The following ALS2CL variants were observed in gnomAD, a reference collection of about 807,000 sequenced individuals.
The protein encoded by ALS2CL is ALS2 C-terminal-like protein.
ALS2CL carries 112 observed loss-of-function variants against 127.9 expected under a neutral mutation model. The ratio of observed to expected loss-of-function variants is 0.88; its 90% CI spans 0.75 to 1.02. The LOEUF (loss-of-function observed/expected upper bound fraction) is 1.02. ALS2CL is among the 50% of genes least tolerant of loss of function. ALS2CL has a pLI of 0.00. For synonymous variants in ALS2CL, 519 were observed against 527.6 expected, an observed-to-expected ratio of 0.98 and a Z score of 0.22; for missense variants, 1,174 against 1,236.7, an observed-to-expected ratio of 0.95 and a Z score of 0.76.
chr3:46,688,643 G>A (rs1357119610), intron 2 of ALS2CL, among the ~76,000 whole-genome samples: 4 of 152,206 alleles, frequency 2.6e-5, no homozygotes, highest in African/African-American at 7.2e-5. Flanking sequence ...GATCCAGAAT[G>A]TGAAGTCCAC....
At chr3:46,687,994 G>T in intron 3 of ALS2CL, 104 bp downstream of exon 3, 1 of 1,390,044 alleles carries the variant, frequency 7.2e-7, no homozygotes. Context: ...CCAAACCTTT[G>T]CTTGAACCCT....
At chr3:46,674,485 C>T in intron 21 of ALS2CL, 81 bp downstream of exon 21, 4 of 1,534,056 alleles carry the variant, frequency 2.6e-6, no homozygotes, top group Non-Finnish European at 3.5e-6. Context: ...CCTATCAACC[C>T]CAGCCCCACC....
At chr3:46,687,585 C>T in intron 4 of ALS2CL, 34 bp downstream of exon 4, 2 of 1,609,016 alleles carry the variant, frequency 1.2e-6, no homozygotes, top group Non-Finnish European at 1.7e-6. Flanking sequence ...CACTCCCACC[C>T]TGTCAGGGGC....
chr3:46,681,697 T>C lies in ALS2CL; in HGVS notation c.1176-99A>G, dbSNP rs1699365687. 1 of 1,243,686 alleles carries C rather than the reference T, an allele frequency of 8.0e-7. No homozygotes were observed. The highest frequency in any genetic ancestry group is 2.4e-5 in the East Asian group (1 of 42,376). The allele number at this position is 1,243,686 out of a possible 1,614,324, so 77.0% of individuals were successfully genotyped here. On this transcript the variant is annotated intron_variant, in intron 11 of 25. Transcript: ENST00000318962. The surrounding 1 kb of genome is among the most constrained non-coding windows in gnomAD (Gnocchi z 4.9). ...GGAGTATCCCTGCCCCCAAGGAGCC[T>C]TCCAGACAACAGGGAGACTCTCAGA...
At position 46,670,815 on chromosome 3, in the gene ALS2CL, C is replaced by T; in HGVS notation, c.*169G>A. ...ACATCCAGGGCCACACCCGTCACCC[C>T]TCACCCTCATCCCAGTCAGGGCAGC... On this transcript the variant is annotated 3_prime_UTR_variant, in exon 26 of 26. Transcript: ENST00000318962. This position sits in a 1 kb window ranked among gnomAD's most constrained non-coding sequence, Gnocchi z 5.5. 1 of 679,738 alleles carries T rather than the reference C, an allele frequency of 1.5e-6. No individual in the cohort carries two copies. Among genetic ancestry groups the T allele is most frequent in the Admixed American group, 2.5e-5 (1 of 40,710 alleles). 42.1% of individuals were successfully genotyped at this position (679,738 alleles called of 1,614,324 possible).
intron 22 of ALS2CL, among the ~76,000 whole-genome samples, chr3:46,672,561 A>G (rs113633206): frequency 0.014 from 2,150 of 152,238 alleles, 52 homozygotes; most frequent in African/African-American, 0.049. Context: ...CACTCCCTGC[A>G]TTTCTGACTC....
Position 46,673,738 on chromosome 3 carries a change from C to T in ALS2CL, c.2430-357G>A, listed in dbSNP as rs575579762. On this transcript the variant is annotated intron_variant, in intron 21 of 25. Coordinates refer to ENST00000318962, the MANE Select transcript of ALS2CL (RefSeq NM_147129.5). ...AGAGGTGGAGGCTGGTGTGGGGAAGCGACACTGAGGTGGTGAGGGAGGCGG... is the reference window on the plus strand; with the variant it reads ...AGAGGTGGAGGCTGGTGTGGGGAAGTGACACTGAGGTGGTGAGGGAGGCGG... 7.9e-5 allele frequency among the ~76,000 whole-genome samples: 12 copies of T among 152,090 alleles called. No individual in the cohort carries two copies. The East Asian group carries it at 1.9e-3, about 25-fold the overall frequency.
Position 46,677,267 on chromosome 3 carries a change from T to C in ALS2CL, c.1758-245A>G, listed in dbSNP as rs1022909491. On this transcript the variant is annotated intron_variant, in intron 16 of 25. Coordinates refer to ENST00000318962, the MANE Select transcript of ALS2CL (RefSeq NM_147129.5). ...AGACAGACAGAAGCATATGGAATCC[T>C]GGAAAGACGGAGACAGAAAGGTGGG... 7 of 1,348,980 alleles carry C rather than the reference T, an allele frequency of 5.2e-6. No individual in the cohort carries two copies. In the African/African-American group the frequency reaches 7.4e-5, roughly 14 times the overall value. The allele number at this position is 1,348,980 out of a possible 1,614,324, so 83.6% of individuals were successfully genotyped here.
At position 46,676,857 on chromosome 3, in the gene ALS2CL, G is replaced by A. The variant is rs1698878290; in HGVS notation, c.1923C>T (p.Ser641=). ...CACACAGCCGGCCTCACCTCTCGCAGGACAGGTAATCCTGAGACCTACGCA... is the reference window on the plus strand; with the variant it reads ...CACACAGCCGGCCTCACCTCTCGCAAGACAGGTAATCCTGAGACCTACGCA... ...RELRRSQDYL[S]CERTHPEDSV... is the part of the protein sequence containing the mutation. The change falls in exon 17 of 26, where the codon TCC becomes TCT. Residue 641 remains serine, a synonymous_variant. Transcript: ENST00000318962. 8 of 1,565,510 alleles carry A rather than the reference G, an allele frequency of 5.1e-6. No homozygotes were observed. The highest frequency in any genetic ancestry group is 7.0e-6 in the Non-Finnish European group (8 of 1,151,014).
chr3:46,681,053 G>A lies in ALS2CL; in HGVS notation c.1436+193C>T, dbSNP rs1182199754. 3.4e-6 allele frequency: 3 copies of A among 873,068 alleles called. No homozygotes were observed. The highest frequency in any genetic ancestry group is 5.5e-6 in the Non-Finnish European group (3 of 541,214). 54.1% of individuals were successfully genotyped at this position (873,068 alleles called of 1,614,324 possible). On this transcript the variant is annotated intron_variant, in intron 13 of 25. Coordinates refer to ENST00000318962, the MANE Select transcript of ALS2CL (RefSeq NM_147129.5). This position sits in a 1 kb window ranked among gnomAD's most constrained non-coding sequence, Gnocchi z 4.9. ...CCATGAGGAGGGGTGAGGGGCGGGG[G>A]CGACCCTGCAGTCAGCGTGACCAAG...
chr3:46,691,923 G>A (rs1305910249), intron 1 of ALS2CL, among the ~76,000 whole-genome samples: 1 of 151,938 alleles, frequency 6.6e-6, no homozygotes. Context: ...GTGGAAGGGG[G>A]CTTCTCTGGG....
intron 6 of ALS2CL, among the ~76,000 whole-genome samples, 160 bp from the exon 7 acceptor site, chr3:46,685,804 T>G (rs898129170): frequency 2.0e-5 from 3 of 152,154 alleles, no homozygotes; most frequent in Non-Finnish European, 4.4e-5. Flanking sequence ...ATGCACTGAT[T>G]ATACATTCCT....
intron 20 of ALS2CL, 40 bp downstream of exon 20, chr3:46,675,570 GAGGCCTCC>G: frequency 6.3e-7 from 1 of 1,583,192 alleles, no homozygotes; most frequent in Non-Finnish European, 8.7e-7. Context: ...GCAGACGCAT[GAGGCCTCC>G]CTGGACACGG....
chr3:46,691,020 A>G (rs1700118442), intron 1 of ALS2CL, among the ~76,000 whole-genome samples: 1 of 152,128 alleles, frequency 6.6e-6, no homozygotes, highest in Admixed American at 6.5e-5. Context: ...AGAGGCAGGA[A>G]GGGGAAGCCA....
Position 46,676,248 on chromosome 3 carries a change from T to A in ALS2CL, c.2183A>T (p.Tyr728Phe). Residue 728 changes from tyrosine (Y) to phenylalanine (F), a missense_variant, in exon 19 of 26, where the codon TAC becomes TTC. Physicochemically the swap from Tyr to Phe is conservative, Grantham distance 22. Transcript: ENST00000318962. Reference sequence around the variant, plus strand: ...TCCCGTTTGCCACCGAGCCCACCTGTAGGCAGCCCAGAGTTCCTGGGCATG... The same window carrying A: ...TCCCGTTTGCCACCGAGCCCACCTGAAGGCAGCCCAGAGTTCCTGGGCATG... ...KQHAQELWAA[Y>F]RGLLRVALER... The A allele has an allele frequency of 6.2e-7, 1 of 1,612,880 alleles. No individual in the cohort carries two copies. Among genetic ancestry groups the A allele is most frequent in the Non-Finnish European group, 8.5e-7 (1 of 1,179,674 alleles).
chr3:46,678,184 G>A (rs1466638248), intron 16 of ALS2CL, 75 bp downstream of exon 16: 4 of 1,435,948 alleles, frequency 2.8e-6, no homozygotes, highest in Middle Eastern at 2.6e-4. Flanking sequence ...CCCCTCTGAG[G>A]AGACCTGAGT....
chr3:46,681,391 C>A lies in ALS2CL; in HGVS notation c.1291G>T (p.Val431Leu). The change falls in exon 13 of 26, where the codon GTG becomes TTG. Residue 431 changes from valine to leucine, a missense_variant. Val to Leu is a conservative substitution (Grantham distance 32). Coordinates refer to ENST00000318962, the MANE Select transcript of ALS2CL (RefSeq NM_147129.5). This position sits in a 1 kb window ranked among gnomAD's most constrained non-coding sequence, Gnocchi z 4.9. ...YGICEYSTDE[V>L]YKGYFQEGLR... Reference sequence around the variant, plus strand: ...CCCTCCTGGAAGTAGCCCTTGTACACCTCGTCGGTGCTGTACCTGGGGAGG... The same window carrying A: ...CCCTCCTGGAAGTAGCCCTTGTACAACTCGTCGGTGCTGTACCTGGGGAGG... 6.2e-7 allele frequency: 1 copy of A among 1,606,018 alleles called. No individual in the cohort carries two copies. Among genetic ancestry groups the A allele is most frequent in the Non-Finnish European group, 8.5e-7 (1 of 1,173,836 alleles).
intron 1 of ALS2CL, among the ~76,000 whole-genome samples, chr3:46,693,036 G>A (rs1256885179): frequency 6.6e-6 from 1 of 152,110 alleles, no homozygotes; most frequent in Non-Finnish European, 1.5e-5. Context: ...GTAGAGACAC[G>A]CACTGCCCCA....
chr3:46,685,670 A>C (rs1039154146), intron 6 of ALS2CL, 26 bp from the exon 7 acceptor site: 1 of 1,600,874 alleles, frequency 6.2e-7, no homozygotes, highest in African/African-American at 1.3e-5. Flanking sequence ...GGACAGTACA[A>C]GGCTTAGGCA....
Sources: gnomAD v4.1 joint callset for allele counts (sites outside exome capture counted in the v4.1 genomes callset) on GRCh38, gnomAD v4.1.1 for gene constraint, Gnocchi (gnomAD v3.1) non-coding constraint, MANE v1.5 for transcripts, NCBI Gene and HGNC (gene_info 2026-07-23, HGNC 2026-07-21) for gene names.